Variants in CLEC12A observed in about 807,000 individuals in gnomAD.
CLEC12A encodes C-type lectin protein CLL-1.
In CLEC12A, 22 loss-of-function variants were observed where a neutral mutation model predicts 26.5. The ratio of observed to expected loss-of-function variants is 0.83; its 90% confidence interval spans 0.59 to 1.19. The LOEUF is 1.19. Ranked by LOEUF, CLEC12A falls within the 50% of genes most tolerant of loss-of-function variation. The probability of loss-of-function intolerance (pLI) is 0.00; values close to 1 mark genes in which losing one functional copy is unlikely to be tolerated. For synonymous variants in CLEC12A, 119 were observed against 101.9 expected, an observed-to-expected ratio of 1.17 and a Z score of -1.01; for missense variants, 353 against 315.6, an observed-to-expected ratio of 1.12 and a Z score of -0.90.
chr12:9,998,878 T>C (rs2137246812), downstream of CLEC12A, among the ~76,000 whole-genome samples: 1 of 152,314 alleles, frequency 6.6e-6, no homozygotes, highest in East Asian at 1.9e-4. Context: ...AATAGGTCTG[T>C]ATGAGCTTAT....
Position 9,991,928 on chromosome 12 carries a change from G to A in CLEC12A, n.1005-3090G>A, listed in dbSNP as rs138552829. Reference sequence around the variant, plus strand: ...AGACTACTTGTATGAGAATTGTGTCGTGATGCTGGTAAAAACCCAGGTCTC... The same window carrying A: ...AGACTACTTGTATGAGAATTGTGTCATGATGCTGGTAAAAACCCAGGTCTC... On this transcript the variant is annotated intron_variant and non_coding_transcript_variant, in intron 4 of 4. Transcript: ENST00000449959. 1.3e-4 allele frequency: 20 copies of A among 152,158 alleles called. No individual in the cohort carries two copies. The East Asian group carries it at 2.9e-3, about 22-fold the overall frequency. 9.4% of individuals were successfully genotyped at this position (152,158 alleles called of 1,614,324 possible). A position where few individuals can be genotyped will look rare whatever the true frequency, so the allele number is the denominator to read the frequency against.
chr12:9,976,570 T>C (rs150208286), intron 1 of CLEC12A, among the ~76,000 whole-genome samples: 1 of 152,340 alleles, frequency 6.6e-6, no homozygotes, highest in East Asian at 1.9e-4. Flanking sequence ...ATTTACTGGC[T>C]CATAGGTGGA....
downstream of CLEC12A, chr12:9,996,855 C>G (rs200850206): frequency 1.2e-4 from 194 of 1,613,908 alleles, no homozygotes; most frequent in Non-Finnish European, 1.5e-4. Context: ...CCACAATGTT[C>G]CGGTTGTCAA....
At chr12:9,968,314 A>C (rs483499), upstream of CLEC12A, among the ~76,000 whole-genome samples, 87,358 of 151,880 alleles carry the variant, frequency 0.58, 25,456 homozygotes, top group South Asian at 0.72. Flanking sequence ...GCTTTGTGTG[A>C]GCAACAAGGC....
intron 1 of CLEC12A, among the ~76,000 whole-genome samples, chr12:9,952,305 C>G (rs1365201976): frequency 6.6e-6 from 1 of 150,558 alleles, no homozygotes; most frequent in Non-Finnish European, 1.5e-5. Context: ...CCTGCCTCAG[C>G]CTGCCGAGTG....
At chr12:9,961,491 T>A (rs1018114234) in intron 1 of CLEC12A, among the ~76,000 whole-genome samples, 2 of 152,074 alleles carry the variant, frequency 1.3e-5, no homozygotes, top group Admixed American at 6.6e-5. Flanking sequence ...ATAAAGCCAA[T>A]CCTAGTCATA....
At chr12:9,962,903 G>A (rs1206550630) in intron 1 of CLEC12A, among the ~76,000 whole-genome samples, 1 of 152,044 alleles carries the variant, frequency 6.6e-6, no homozygotes, top group Admixed American at 6.6e-5. Context: ...GTGTTGGGAC[G>A]GCAAAAATTT....
intron 1 of CLEC12A, among the ~76,000 whole-genome samples, chr12:9,962,537 T>C (rs1298337614): frequency 6.6e-6 from 1 of 151,824 alleles, no homozygotes; most frequent in Non-Finnish European, 1.5e-5. Context: ...GAAAAGAGAG[T>C]CAGCGAAGGG....
intron 1 of CLEC12A, chr12:9,951,432 G>A (rs1863607212): frequency 1.4e-6 from 1 of 701,748 alleles, no homozygotes; most frequent in Non-Finnish European, 2.6e-6. Context: ...ATTTCCATTG[G>A]CAAGTTCAGC....
downstream of CLEC12A, among the ~76,000 whole-genome samples, chr12:9,990,050 C>CT (rs1301493196): frequency 1.3e-5 from 2 of 151,928 alleles, no homozygotes; most frequent in East Asian, 1.9e-4. Context: ...AAAAAAAGGT[C>CT]TTTTTTTCAA....
upstream of CLEC12A, chr12:9,971,334 G>A (rs1864115811): frequency 1.3e-5 from 12 of 935,976 alleles, no homozygotes. Flanking sequence ...TGAGAAAAAG[G>A]AAGAAATATG....
intron 1 of CLEC12A, among the ~76,000 whole-genome samples, chr12:9,959,222 G>A (rs966031866): frequency 4.0e-5 from 6 of 151,852 alleles, no homozygotes; most frequent in South Asian, 4.2e-4. Context: ...AGGCTGAGGC[G>A]GGTGGATCAC....
chr12:9,967,426 T>A (rs1176686386), upstream of CLEC12A, among the ~76,000 whole-genome samples: 1 of 152,144 alleles, frequency 6.6e-6, no homozygotes, highest in Non-Finnish European at 1.5e-5. Context: ...CGAGTTTGTA[T>A]TGGGGTCAAG....
intron 5 of CLEC12A, among the ~76,000 whole-genome samples, chr12:9,983,199 G>A (rs1372124840): frequency 1.3e-5 from 2 of 151,864 alleles, no homozygotes; most frequent in Non-Finnish European, 2.9e-5. Flanking sequence ...GGATCAAATG[G>A]TAATTCTATT....
At chr12:9,966,841 T>C (rs1348925239), upstream of CLEC12A, among the ~76,000 whole-genome samples, 2 of 98,156 alleles carry the variant, frequency 2.0e-5, no homozygotes, top group African/African-American at 7.9e-5. Context: ...TTTTAGGATC[T>C]AGGGCTGTAA....
intron 3 of CLEC12A, 38 bp downstream of exon 3, chr12:9,979,562 T>C: frequency 1.4e-6 from 2 of 1,463,382 alleles, no homozygotes; most frequent in Non-Finnish European, 1.9e-6. Flanking sequence ...TATTGGACAA[T>C]AAACTAAACC....
the CLEC12A span, among the ~76,000 whole-genome samples, chr12:10,002,083 G>A: frequency 2.6e-5 from 4 of 151,964 alleles, no homozygotes; most frequent in East Asian, 1.9e-4. Flanking sequence ...CGGTTTCACC[G>A]TGTTAGTCAG....
chr12:9,984,031 T>C, intron 5 of CLEC12A: 1 of 290,818 alleles, frequency 3.4e-6, no homozygotes, highest in South Asian at 3.1e-5. Flanking sequence ...TATAATGGAA[T>C]GGAAAACATT....
chr12:9,965,078 T>C (rs1400542346), intron 1 of CLEC12A, among the ~76,000 whole-genome samples: 1 of 152,148 alleles, frequency 6.6e-6, no homozygotes, highest in Non-Finnish European at 1.5e-5. Flanking sequence ...TTGGAAATTA[T>C]GAGAACCGTA....
Sources: allele counts gnomAD v4.1 joint callset (sites outside exome capture counted in the v4.1 genomes callset), GRCh38; gene constraint gnomAD v4.1.1; transcripts MANE v1.5; gene names NCBI Gene and HGNC (gene_info 2026-07-23, HGNC 2026-07-21).